The following SLC26A7 variants were observed in gnomAD, a reference collection of about 807,000 sequenced individuals.
The protein encoded by SLC26A7 is solute carrier family 26 member 7, also known as anion exchange transporter.
SLC26A7 carries 59 observed loss-of-function variants against 82.5 expected under a neutral mutation model. The observed-to-expected ratio is 0.72, with a 90% CI of 0.58 to 0.89. SLC26A7 has a LOEUF of 0.89. Ranked by LOEUF, SLC26A7 falls within the 40% of genes least tolerant of loss-of-function variation. The pLI, the probability that SLC26A7 is intolerant of heterozygous loss-of-function variation, is 0.00. For synonymous variants in SLC26A7, 271 were observed against 274.3 expected, an observed-to-expected ratio of 0.99 and a Z score of 0.12; for missense variants, 820 against 793.0, an observed-to-expected ratio of 1.03 and a Z score of -0.41.
chr8:91,368,914 G>A (rs1208072726), intron 14 of SLC26A7, among the ~76,000 whole-genome samples: 1 of 152,202 alleles, frequency 6.6e-6, no homozygotes. Context: ...TTGTATAGCT[G>A]ATAACTGTAA....
At chr8:91,239,484 G>A (rs1296718737) in intron 2 of SLC26A7, among the ~76,000 whole-genome samples, 1 of 148,528 alleles carries the variant, frequency 6.7e-6, no homozygotes, top group Non-Finnish European at 1.5e-5. Flanking sequence ...GTATATATAT[G>A]TGTATGTGTA....
intron 11 of SLC26A7, among the ~76,000 whole-genome samples, chr8:91,357,848 T>C (rs931953521): frequency 6.6e-6 from 1 of 152,140 alleles, no homozygotes; most frequent in African/African-American, 2.4e-5. Context: ...AGAAAATTTT[T>C]GCAACCTACT....
intron 1 of SLC26A7, among the ~76,000 whole-genome samples, chr8:91,214,972 T>C (rs895565083): frequency 1.3e-5 from 2 of 152,016 alleles, no homozygotes; most frequent in Non-Finnish European, 2.9e-5. Flanking sequence ...TGGCTCATGG[T>C]TCCTTTCTTC....
intron 18 of SLC26A7, 118 bp downstream of exon 18, chr8:91,394,157 C>G: frequency 1.3e-6 from 2 of 1,599,356 alleles, no homozygotes; most frequent in Non-Finnish European, 1.7e-6. Flanking sequence ...GTTAGCCCCC[C>G]ACCCCACCCC....
chr8:91,268,453 C>T (rs1449166194), intron 2 of SLC26A7, among the ~76,000 whole-genome samples: 3 of 151,856 alleles, frequency 2.0e-5, no homozygotes, highest in Middle Eastern at 3.4e-3. Flanking sequence ...AGTATAGCTA[C>T]TCCTGCTTGG....
chr8:91,352,976 A>G lies in SLC26A7; in HGVS notation c.1294A>G (p.Asn432Asp), dbSNP rs1813762059. The G allele has an allele frequency of 6.2e-7, 1 of 1,608,122 alleles. No individual in the cohort carries two copies. The highest frequency in any genetic ancestry group is 8.5e-7 in the Non-Finnish European group (1 of 1,176,976). Reference sequence around the variant, plus strand: ...GTTCCGAGATTTAAAAAAATATTGGAATGTGGATAAAATCGATTGGGTAAG... The same window carrying G: ...GTTCCGAGATTTAAAAAAATATTGGGATGTGGATAAAATCGATTGGGTAAG... The part of the protein sequence containing the change: ...IQFRDLKKYW[N>D]VDKIDWGIWV... Residue 432 changes from asparagine (N) to aspartate (D), a missense_variant, in exon 11 of 19, where the codon AAT becomes GAT. Asn to Asp is a conservative substitution (Grantham distance 23). Transcript: ENST00000276609.
intron 2 of SLC26A7, among the ~76,000 whole-genome samples, chr8:91,283,573 ACT>A (rs1032864951): frequency 2.7e-4 from 41 of 152,056 alleles, no homozygotes; most frequent in African/African-American, 9.6e-4. Flanking sequence ...CAAATTCATA[ACT>A]CTTACTCTTT....
At chr8:91,351,491 T>C (rs1813713754) in intron 9 of SLC26A7, among the ~76,000 whole-genome samples, 1 of 152,146 alleles carries the variant, frequency 6.6e-6, no homozygotes, top group East Asian at 1.9e-4. Flanking sequence ...TTAATTGAAA[T>C]GTCACTTTCA....
chr8:91,244,071 T>C (rs1810510216), intron 2 of SLC26A7, among the ~76,000 whole-genome samples: 1 of 152,166 alleles, frequency 6.6e-6, no homozygotes, highest in South Asian at 2.1e-4. Context: ...TTTCTAGAAA[T>C]AGGATTGCTA....
chr8:91,276,885 C>A (rs116883656), intron 2 of SLC26A7, among the ~76,000 whole-genome samples: 1 of 152,320 alleles, frequency 6.6e-6, no homozygotes, highest in East Asian at 1.9e-4. Context: ...GTCACTTTCT[C>A]TTCCTAACCT....
chr8:91,286,441 T>G (rs1031075562), intron 2 of SLC26A7, among the ~76,000 whole-genome samples: 1 of 152,194 alleles, frequency 6.6e-6, no homozygotes, highest in African/African-American at 2.4e-5. Context: ...CATTAAATAA[T>G]TGTCCCTCTA....
At chr8:91,210,465 G>A (rs1278430373) in intron 1 of SLC26A7, among the ~76,000 whole-genome samples, 1 of 151,906 alleles carries the variant, frequency 6.6e-6, no homozygotes, top group Non-Finnish European at 1.5e-5. Flanking sequence ...CTTTCCTTCT[G>A]TTGACTTGCA....
At chr8:91,245,307 T>G (rs1810530150), upstream of SLC26A7, among the ~76,000 whole-genome samples, 1 of 152,224 alleles carries the variant, frequency 6.6e-6, no homozygotes, top group Non-Finnish European at 1.5e-5. Flanking sequence ...TCGGTTATTT[T>G]TCTAGGCCTT....
chr8:91,231,790 T>A (rs1031966604), intron 2 of SLC26A7, among the ~76,000 whole-genome samples: 1 of 152,112 alleles, frequency 6.6e-6, no homozygotes, highest in African/African-American at 2.4e-5. Context: ...TGTATGTGTG[T>A]GTATGTGTGT....
At chr8:91,352,345 TA>T (rs998881700) in intron 10 of SLC26A7, among the ~76,000 whole-genome samples, 1 of 152,112 alleles carries the variant, frequency 6.6e-6, no homozygotes, top group Non-Finnish European at 1.5e-5. Context: ...CCTGAGGCAC[TA>T]AAGGAATGCA....
At chr8:91,316,451 ATTTTTTTTTTTTTTTTTTTT>A (rs58981485) in intron 4 of SLC26A7, among the ~76,000 whole-genome samples, 18 of 34,424 alleles carry the variant, frequency 5.2e-4, no homozygotes, top group South Asian at 4.1e-3. Context: ...CTCAACACTA[ATTTTTTTTTTTTTTTTTTTT>A]TTTTTTTTTT....
chr8:91,369,772 GT>G lies in SLC26A7; in HGVS notation c.1627-8del, dbSNP rs1408859838. 1.3e-6 allele frequency: 2 copies of G among 1,559,248 alleles called. No individual in the cohort carries two copies. The highest frequency in any genetic ancestry group is 1.2e-5 in the South Asian group (1 of 81,736). On this transcript the variant is annotated splice_polypyrimidine_tract_variant and intron_variant, in intron 14 of 18. Transcript: ENST00000276609. ...TATAACATTTTTCTTCTTTATGTTT[GT>G]TTTTATTTTAGTGTGAACAAAACAC...
At chr8:91,317,464 TA>T (rs1818092848) in intron 4 of SLC26A7, among the ~76,000 whole-genome samples, 1 of 152,200 alleles carries the variant, frequency 6.6e-6, no homozygotes, top group Non-Finnish European at 1.5e-5. Flanking sequence ...TAATTATGCC[TA>T]GTGTTCCACT....
intron 2 of SLC26A7, among the ~76,000 whole-genome samples, chr8:91,252,672 T>G (rs1159260771): frequency 6.6e-6 from 1 of 152,110 alleles, no homozygotes; most frequent in Non-Finnish European, 1.5e-5. Flanking sequence ...CAACTTGAGA[T>G]CTACATATTT....
Sources: allele counts gnomAD v4.1 joint callset (sites outside exome capture counted in the v4.1 genomes callset), GRCh38; gene constraint gnomAD v4.1.1; transcripts MANE v1.5; gene names NCBI Gene and HGNC (gene_info 2026-07-23, HGNC 2026-07-21).